The following ZSCAN5C variants were observed in gnomAD, a reference collection of about 807,000 sequenced individuals.
ZSCAN5C encodes the protein zinc finger and SCAN domain-containing protein 5C.
ZSCAN5C carries 11 observed loss-of-function variants against 17.3 expected under a neutral mutation model. The ratio of observed to expected loss-of-function variants is 0.64; its 90% CI spans 0.40 to 1.06. The LOEUF (loss-of-function observed/expected upper bound fraction) is 1.06. ZSCAN5C is among the 50% of genes least tolerant of loss of function. ZSCAN5C has a pLI of 0.00. For synonymous variants in ZSCAN5C, 229 were observed against 208.4 expected, an observed-to-expected ratio of 1.10 and a Z score of -0.85; for missense variants, 698 against 538.9, an observed-to-expected ratio of 1.30 and a Z score of -2.92.
exon 5 of ZSCAN5C, chr19:56,209,141 G>A (rs763649961): frequency 4.1e-6 from 6 of 1,465,906 alleles, no homozygotes; most frequent in Non-Finnish European, 5.7e-6. Context: ...AAGAGCCTTC[G>A]GTCGGCCGGC....
At chr19:56,206,562 G>A (rs2032923988) in intron 2 of ZSCAN5C, among the ~76,000 whole-genome samples, 1 of 151,906 alleles carries the variant, frequency 6.6e-6, no homozygotes. Context: ...TATCAGCTGT[G>A]CTGAGACGGC....
chr19:56,207,103 A>C (rs1429337256), exon 3 of ZSCAN5C: 1 of 750,526 alleles, frequency 1.3e-6, no homozygotes, highest in South Asian at 1.4e-5. Context: ...TGCAGGAATC[A>C]GATGTGGAGA....
chr19:56,208,261 A>C lies in ZSCAN5C; in HGVS notation c.739+77A>C. ...GTGGGGCTGGGGTCCCAGCATTATCATGTCTGGGGGAGTTGGCACTCAGCT... is the reference window on the plus strand; with the variant it reads ...GTGGGGCTGGGGTCCCAGCATTATCCTGTCTGGGGGAGTTGGCACTCAGCT... On this transcript the variant is annotated intron_variant, in intron 4 of 4. Coordinates refer to ENST00000534327, the Ensembl canonical transcript of ZSCAN5C. The C allele has an allele frequency of 4.4e-6, 3 of 678,826 alleles. No individual in the cohort carries two copies. The South Asian group carries it at 5.1e-5, about 12-fold the overall frequency. The allele number at this position is 678,826 out of a possible 1,614,324, so 42.1% of individuals were successfully genotyped here.
exon 5 of ZSCAN5C, chr19:56,209,118 G>A (rs2032961500): frequency 4.5e-6 from 7 of 1,561,638 alleles, no homozygotes; most frequent in Middle Eastern, 1.7e-4. Context: ...CCCCACAAAT[G>A]TTCCAAGTGT....
chr19:56,203,936 A>G (rs1177929608), intron 1 of ZSCAN5C, among the ~76,000 whole-genome samples: 1 of 151,896 alleles, frequency 6.6e-6, no homozygotes, highest in Non-Finnish European at 1.5e-5. Context: ...GGCGTGAGCC[A>G]CCACACTCAG....
rs2032932365 is a variant in ZSCAN5C, at chr19:56,207,201, A to AC, written c.527_528insC (p.Glu176AspfsTer36). 1.3e-6 allele frequency: 1 copy of AC among 778,492 alleles called. No homozygotes were observed. The highest frequency in any genetic ancestry group is 2.4e-6 in the Non-Finnish European group (1 of 418,286). 48.2% of individuals were successfully genotyped at this position (778,492 alleles called of 1,614,324 possible). A position where few individuals can be genotyped will look rare whatever the true frequency, so the allele number is the denominator to read the frequency against. ...TCTGTGAACCAGATGTGTCCGGAGG[A>AC]AGGCCAGGCCAGCCAAGAGCTGCAG... is the stretch of plus-strand genomic sequence containing the variant. On this transcript the variant is annotated frameshift_variant, in exon 3 of 5. Transcript: ENST00000534327. LOFTEE classifies it high-confidence loss of function.
At chr19:56,205,670 C>T (rs1024664251) in intron 1 of ZSCAN5C, 117 bp from the exon 2 acceptor site, 26 of 457,526 alleles carry the variant, frequency 5.7e-5, no homozygotes, top group South Asian at 2.8e-4. Context: ...TTGATTTCCA[C>T]GGTGCTGAGT....
chr19:56,206,088 A>C (rs2032918218), exon 2 of ZSCAN5C: 7 of 1,610,840 alleles, frequency 4.3e-6, no homozygotes, highest in Non-Finnish European at 5.9e-6. Context: ...GTCGGACCCC[A>C]TCCAGGCTCT....
exon 5 of ZSCAN5C, chr19:56,209,035 T>C (rs142809484): frequency 6.2e-7 from 1 of 1,612,028 alleles, no homozygotes; most frequent in Non-Finnish European, 8.5e-7. Flanking sequence ...CCTTCGAATG[T>C]AAAGACTGCA....
exon 5 of ZSCAN5C, chr19:56,208,736 A>G (rs747967970): frequency 1.7e-5 from 27 of 1,610,868 alleles, no homozygotes; most frequent in Non-Finnish European, 2.3e-5. Context: ...GGGCCCAGTC[A>G]GTCACCCCAG....
rs1304223041 is a variant in ZSCAN5C, at chr19:56,207,161, A to C, written c.487A>C (p.Ser163Arg). The change falls in exon 3 of 5, where the codon AGC (serine) becomes CGC (arginine). Residue 163 changes from serine (S) to arginine (R), a missense_variant. By Grantham distance (110) the Ser-to-Arg change is moderately radical. This residue lies in a region of ZSCAN5C where 554 missense variants were observed against 390.5 expected (regional missense o/e 1.42). Transcript: ENST00000534327. ...CAGAGATGATCCGAGACACGTGTCC[A>C]GCCAGCGGACCTCCTCTGTGAACCA... 6.4e-6 allele frequency: 5 copies of C among 778,878 alleles called. No individual in the cohort carries two copies. In the South Asian group the frequency reaches 6.8e-5, roughly 11 times the overall value. The allele number at this position is 778,878 out of a possible 1,614,324, so 48.2% of individuals were successfully genotyped here.
At chr19:56,208,637 G>A (rs749070591) in exon 5 of ZSCAN5C, 17 of 1,610,660 alleles carry the variant, frequency 1.1e-5, no homozygotes, top group Admixed American at 3.3e-5. Context: ...CATTTCCCAA[G>A]AAGAGCCTCA....
exon 5 of ZSCAN5C, chr19:56,208,608 G>A: frequency 6.2e-7 from 1 of 1,604,856 alleles, no homozygotes; most frequent in Non-Finnish European, 8.5e-7. Flanking sequence ...CTCAAAAGAA[G>A]CAAACCAGAC....
Position 56,207,533 on chromosome 19 carries a change from T to A in ZSCAN5C, c.588+271T>A, listed in dbSNP as rs567713624. On this transcript the variant is annotated intron_variant, in intron 3 of 4. Coordinates refer to ENST00000534327, the Ensembl canonical transcript of ZSCAN5C. ...AACGGAGGCAGTTGGCACAGATGAATGAACTGAAGGTCCCATCCCCATCCA... is the reference window on the plus strand; with the variant it reads ...AACGGAGGCAGTTGGCACAGATGAAAGAACTGAAGGTCCCATCCCCATCCA... Among the ~76,000 whole-genome samples the A allele has an allele frequency of 1.4e-4, 21 of 151,636 alleles. 1 individual carries two copies. The highest frequency in any genetic ancestry group is 2.5e-4 in the Non-Finnish European group (17 of 67,994).
At chr19:56,208,816 C>G in exon 5 of ZSCAN5C, 1 of 1,559,868 alleles carries the variant, frequency 6.4e-7, no homozygotes, top group South Asian at 1.1e-5. Flanking sequence ...AGTATCGCGG[C>G]AAGTTAGCCG....
chr19:56,207,152 C>G (rs957061908), exon 3 of ZSCAN5C: 5 of 778,356 alleles, frequency 6.4e-6, no homozygotes, highest in East Asian at 2.4e-5. Context: ...TGATCCGAGA[C>G]ACGTGTCCAG....
downstream of ZSCAN5C, chr19:56,209,356 C>A: frequency 2.0e-6 from 1 of 493,482 alleles, no homozygotes. Flanking sequence ...CTTTTTCCTC[C>A]CCGGGGGAAT....
exon 5 of ZSCAN5C, chr19:56,209,107 A>G (rs779257174): frequency 1.9e-6 from 3 of 1,578,624 alleles, no homozygotes; most frequent in Non-Finnish European, 2.6e-6. Context: ...CTGGAGAGAA[A>G]CCCCACAAAT....
intron 1 of ZSCAN5C, among the ~76,000 whole-genome samples, chr19:56,203,355 T>A (rs556677788): frequency 1.3e-5 from 2 of 152,098 alleles, no homozygotes; most frequent in East Asian, 3.9e-4. Context: ...CATAATGTGC[T>A]TTGCAGGATA....
Sources: allele counts gnomAD v4.1 joint callset (sites outside exome capture counted in the v4.1 genomes callset), GRCh38; gene constraint gnomAD v4.1.1; regional missense constraint gnomAD v4.1.1; transcripts MANE v1.5; gene names NCBI Gene and HGNC (gene_info 2026-07-23, HGNC 2026-07-21).